NBAS: variants seen among roughly 807,000 people sequenced by gnomAD.
NBAS encodes the protein NAG/BC035112 fusion.
In NBAS, 219 loss-of-function variants were observed where a neutral mutation model predicts 302.5. That is an observed-to-expected ratio of 0.72 (90% CI 0.65 to 0.81). The LOEUF is 0.81. NBAS is among the 30% of genes least tolerant of loss of function. The pLI is 0.00. For synonymous variants in NBAS, 1,118 were observed against 1,021.6 expected, an observed-to-expected ratio of 1.09 and a Z score of -1.80; for missense variants, 2,932 against 2,841.6, an observed-to-expected ratio of 1.03 and a Z score of -0.72.
intron 21 of NBAS, among the ~76,000 whole-genome samples, chr2:15,446,645 A>G (rs920563522): frequency 1.3e-5 from 2 of 152,166 alleles, no homozygotes; most frequent in Non-Finnish European, 2.9e-5. Flanking sequence ...AACAAAATAC[A>G]TTTTCAATTT....
chr2:15,072,810 C>A, the NBAS span, among the ~76,000 whole-genome samples: 1 of 152,140 alleles, frequency 6.6e-6, no homozygotes, highest in Non-Finnish European at 1.5e-5. Flanking sequence ...CAATTATCAA[C>A]ATCAAAGGCA....
At chr2:15,202,112 A>T (rs1418269813) in intron 48 of NBAS, among the ~76,000 whole-genome samples, 1 of 152,214 alleles carries the variant, frequency 6.6e-6, no homozygotes, top group Non-Finnish European at 1.5e-5. Flanking sequence ...GGGCACTGCA[A>T]ACACCCCTTG....
At chr2:15,166,245 A>G (rs1664017156), downstream of NBAS, among the ~76,000 whole-genome samples, 1 of 152,210 alleles carries the variant, frequency 6.6e-6, no homozygotes, top group African/African-American at 2.4e-5. Context: ...GCGAACCCTA[A>G]GATGCCAATC....
chr2:15,396,513 T>C, intron 26 of NBAS, 38 bp from the exon 27 acceptor site: 1 of 1,402,338 alleles, frequency 7.1e-7, no homozygotes, highest in Non-Finnish European at 9.8e-7. Flanking sequence ...AGCCCTTAAG[T>C]TTAGTATTAG....
At chr2:15,154,671 C>T in the NBAS span, among the ~76,000 whole-genome samples, 1 of 152,324 alleles carries the variant, frequency 6.6e-6, no homozygotes, top group Non-Finnish European at 1.5e-5. Context: ...AGGAGCAGTA[C>T]ATCCTTCCAC....
chr2:14,989,833 A>G, the NBAS span, among the ~76,000 whole-genome samples: 4 of 152,332 alleles, frequency 2.6e-5, no homozygotes, highest in South Asian at 8.3e-4. Flanking sequence ...TTAGAACAGT[A>G]TTACATGGCC....
intron 38 of NBAS, among the ~76,000 whole-genome samples, chr2:15,324,807 T>C (rs1385489445): frequency 6.6e-6 from 1 of 152,178 alleles, no homozygotes; most frequent in Non-Finnish European, 1.5e-5. Context: ...CAAGTATGTT[T>C]CTCCCACTCC....
the NBAS span, among the ~76,000 whole-genome samples, chr2:14,900,624 T>A: frequency 6.6e-6 from 1 of 152,176 alleles, no homozygotes; most frequent in Non-Finnish European, 1.5e-5. Context: ...AACAACTCCA[T>A]TATGCCCAGT....
the NBAS span, among the ~76,000 whole-genome samples, chr2:14,997,799 T>C: frequency 1.3e-5 from 2 of 152,080 alleles, no homozygotes; most frequent in East Asian, 3.9e-4. Context: ...GTAGAAACCA[T>C]CCTTTACTCT....
chr2:15,135,623 C>A, the NBAS span, among the ~76,000 whole-genome samples: 3 of 152,064 alleles, frequency 2.0e-5, no homozygotes, highest in Non-Finnish European at 1.5e-5. Flanking sequence ...TTATAGTTAT[C>A]CGGGAACCGT....
intron 25 of NBAS, among the ~76,000 whole-genome samples, chr2:15,407,515 C>T (rs1007822877): frequency 6.6e-6 from 1 of 152,112 alleles, no homozygotes; most frequent in African/African-American, 2.4e-5. Flanking sequence ...CTTCACTACT[C>T]AGAGAATAAA....
At chr2:14,871,707 A>G in the NBAS span, among the ~76,000 whole-genome samples, 1 of 152,156 alleles carries the variant, frequency 6.6e-6, no homozygotes, top group African/African-American at 2.4e-5. Context: ...TTGTAATATT[A>G]CATAAAAGTA....
chr2:15,144,684 A>T, the NBAS span, among the ~76,000 whole-genome samples: 1 of 152,186 alleles, frequency 6.6e-6, no homozygotes, highest in Non-Finnish European at 1.5e-5. Context: ...CTCTAAAAAA[A>T]AGGCAGCAGA....
At chr2:14,877,522 T>C in the NBAS span, among the ~76,000 whole-genome samples, 1 of 152,216 alleles carries the variant, frequency 6.6e-6, no homozygotes, top group South Asian at 2.1e-4. Flanking sequence ...GAATGCATTG[T>C]CTAATAAGAC....
intron 17 of NBAS, 102 bp downstream of exon 17, chr2:15,468,280 A>G (rs770332407): frequency 2.7e-5 from 38 of 1,392,244 alleles, no homozygotes; most frequent in African/African-American, 4.3e-5. Context: ...GCTTCAGTAC[A>G]GAATAACTTA....
intron 11 of NBAS, among the ~76,000 whole-genome samples, chr2:15,503,588 C>T (rs886163538): frequency 3.9e-5 from 6 of 152,186 alleles, no homozygotes; most frequent in Admixed American, 3.9e-4. Context: ...CTCACAGAGG[C>T]AGTTCCTAAG....
At chr2:15,504,124 A>G in intron 11 of NBAS, 21 bp downstream of exon 11, 1 of 1,602,636 alleles carries the variant, frequency 6.2e-7, no homozygotes, top group South Asian at 1.1e-5. Flanking sequence ...AGCCCACCAT[A>G]GTTAAGCCAA....
the NBAS span, among the ~76,000 whole-genome samples, chr2:14,899,886 T>C: frequency 6.6e-6 from 1 of 152,158 alleles, no homozygotes; most frequent in Non-Finnish European, 1.5e-5. Flanking sequence ...TGCTGACTGC[T>C]TTCAGGGAGC....
chr2:15,403,839 T>C (rs1452359642), intron 25 of NBAS, among the ~76,000 whole-genome samples: 1 of 151,688 alleles, frequency 6.6e-6, no homozygotes, highest in East Asian at 1.9e-4. Flanking sequence ...ACAGCTACCT[T>C]TTCCTGATTT....
Sources: gnomAD v4.1 joint callset for allele counts (sites outside exome capture counted in the v4.1 genomes callset) on GRCh38, gnomAD v4.1.1 for gene constraint, MANE v1.5 for transcripts, NCBI Gene and HGNC (gene_info 2026-07-23, HGNC 2026-07-21) for gene names.